Variants in KLF8 observed in about 807,000 individuals in gnomAD.
KLF8 encodes KLF transcription factor 8, also known as Krueppel-like factor 8.
A neutral mutation model predicts 18.2 loss-of-function variants in KLF8; 10 were observed. That is an observed-to-expected ratio of 0.55 (90% confidence interval 0.34 to 0.93). KLF8 has a LOEUF of 0.93. KLF8 is among the 40% of genes least tolerant of loss of function. The pLI is 0.02. For missense variants in KLF8, 264 were observed against 277.9 expected (o/e 0.95, Z 0.36); for synonymous variants, 109 against 97.3 (o/e 1.12, Z -0.71).
the KLF8 span, among the ~76,000 whole-genome samples, chrX:56,037,290 T>C: frequency 8.9e-6 from 1 of 111,749 alleles, no homozygotes; most frequent in Admixed American, 9.5e-5. Flanking sequence ...GTATTATCTT[T>C]TTCATTTGTT....
the KLF8 span, among the ~76,000 whole-genome samples, chrX:56,058,293 T>TATATATATAC: frequency 1.5e-5 from 1 of 65,238 alleles, no homozygotes; most frequent in African/African-American, 6.1e-5. Flanking sequence ...TATATATATA[T>TATATATATAC]ATATATATAT....
At chrX:55,972,066 T>C in the KLF8 span, among the ~76,000 whole-genome samples, 3 of 111,397 alleles carry the variant, frequency 2.7e-5, no homozygotes, top group East Asian at 2.8e-4. Context: ...AGGAAATCAG[T>C]ATATCAAAGA....
rs748945332 is a variant in KLF8 at position 56,233,356 on chromosome X, G to A, written c.7+15G>A. On this transcript the variant is annotated intron_variant, in intron 1 of 5. Coordinates refer to ENST00000468660, the MANE Select transcript of KLF8 (RefSeq NM_007250.5). ...TGACATGGTCGGTAAGTGACTCTGG[G>A]ACTAATACCCACCCACTCCCACCTC... is the stretch of plus-strand genomic sequence containing the variant. 2.6e-6 allele frequency: 3 copies of A among 1,132,260 alleles called. No individual in the cohort carries two copies. Among genetic ancestry groups the A allele is most frequent in the Non-Finnish European group, 3.6e-6 (3 of 823,151 alleles). 93.3% of individuals were successfully genotyped at this position (1,132,260 alleles called of 1,213,427 possible).
the KLF8 span, among the ~76,000 whole-genome samples, chrX:56,194,576 C>A: frequency 8.9e-6 from 1 of 112,603 alleles, no homozygotes; most frequent in Admixed American, 9.4e-5. Context: ...CTGGGCAGAG[C>A]CCACTGCAGC....
chrX:55,962,857 G>A, the KLF8 span, among the ~76,000 whole-genome samples: 9 of 112,564 alleles, frequency 8.0e-5, no homozygotes, highest in Non-Finnish European at 1.5e-4. Flanking sequence ...TTCCTCATGA[G>A]AAATAGCACA....
At chrX:56,053,365 C>A in the KLF8 span, among the ~76,000 whole-genome samples, 1 of 111,517 alleles carries the variant, frequency 9.0e-6, no homozygotes, top group African/African-American at 3.3e-5. Flanking sequence ...ATAAAATGTA[C>A]TTGATCTTGG....
intron 2 of KLF8, among the ~76,000 whole-genome samples, chrX:56,259,356 A>C (rs1425306347): frequency 9.0e-6 from 1 of 110,990 alleles, no homozygotes; most frequent in Non-Finnish European, 1.9e-5. Context: ...TTTCCATGAT[A>C]CTATCTAACT....
At chrX:56,151,375 G>A in the KLF8 span, among the ~76,000 whole-genome samples, 1 of 111,712 alleles carries the variant, frequency 9.0e-6, no homozygotes, top group Non-Finnish European at 1.9e-5. Context: ...CAGTTAAGTG[G>A]TTATTGCAAG....
chrX:56,103,225 T>A, the KLF8 span, among the ~76,000 whole-genome samples: 1 of 110,406 alleles, frequency 9.1e-6, no homozygotes, highest in African/African-American at 3.3e-5. Context: ...AACTTTAAAG[T>A]AGTTTTTTCC....
the KLF8 span, among the ~76,000 whole-genome samples, chrX:55,920,127 T>C: frequency 2.7e-5 from 3 of 111,841 alleles, no homozygotes; most frequent in Middle Eastern, 4.6e-3. Context: ...GCTCAGAGCA[T>C]GGTAGCTCCC....
chrX:56,137,420 C>G, the KLF8 span, among the ~76,000 whole-genome samples: 1 of 105,736 alleles, frequency 9.5e-6, no homozygotes, highest in African/African-American at 3.5e-5. Context: ...GAATACTATG[C>G]AGCCATAAAA....
chrX:55,943,465 G>T, the KLF8 span, among the ~76,000 whole-genome samples: 1 of 111,350 alleles, frequency 9.0e-6, no homozygotes, highest in African/African-American at 3.3e-5. Context: ...TCTATTCATG[G>T]CGGGAGGTGA....
chrX:56,195,575 GA>G, the KLF8 span, among the ~76,000 whole-genome samples: 5 of 112,254 alleles, frequency 4.5e-5, no homozygotes, highest in Non-Finnish European at 7.5e-5. Context: ...AGAAATGTGG[GA>G]CTATGTAAAA....
chrX:56,280,091 C>T (rs1373939667), intron 5 of KLF8, among the ~76,000 whole-genome samples: 2 of 111,953 alleles, frequency 1.8e-5, no homozygotes, highest in Non-Finnish European at 3.8e-5. Flanking sequence ...TTCATCTCCC[C>T]TGAGTTTGCA....
At chrX:56,077,994 A>G in the KLF8 span, among the ~76,000 whole-genome samples, 2 of 112,134 alleles carry the variant, frequency 1.8e-5, no homozygotes, top group East Asian at 5.6e-4. Context: ...TTGCTTTCGT[A>G]TCCTGAGACT....
the KLF8 span, among the ~76,000 whole-genome samples, chrX:56,066,185 C>T: frequency 8.9e-6 from 1 of 112,134 alleles, no homozygotes; most frequent in Non-Finnish European, 1.9e-5. Flanking sequence ...CACAAAAGTA[C>T]TCAAGCTTGC....
the KLF8 span, among the ~76,000 whole-genome samples, chrX:56,216,474 T>G: frequency 9.1e-6 from 1 of 110,303 alleles, no homozygotes; most frequent in Non-Finnish European, 1.9e-5. Flanking sequence ...CCTCCTGCCT[T>G]AGCTTTTCCA....
the KLF8 span, among the ~76,000 whole-genome samples, chrX:56,205,595 C>A: frequency 8.9e-6 from 1 of 112,177 alleles, no homozygotes; most frequent in Non-Finnish European, 1.9e-5. Flanking sequence ...CATCAATATT[C>A]ATTAGAGATA....
chrX:55,971,687 A>T, the KLF8 span, among the ~76,000 whole-genome samples: 1 of 111,278 alleles, frequency 9.0e-6, no homozygotes, highest in South Asian at 3.8e-4. Context: ...CCAGCATAAT[A>T]AGGAGCTCAA....
Sources: gnomAD v4.1 joint callset for allele counts (sites outside exome capture counted in the v4.1 genomes callset) on GRCh38, gnomAD v4.1.1 for gene constraint, MANE v1.5 for transcripts, NCBI Gene and HGNC (gene_info 2026-07-23, HGNC 2026-07-21) for gene names.